Variants in TUT1 observed in about 807,000 individuals in gnomAD.
The protein encoded by TUT1 is speckle targeted PIP5K1A-regulated poly(A) polymerase.
Under a neutral mutation model 48.8 loss-of-function variants are expected in TUT1, and 26 were observed. The ratio of observed to expected loss-of-function variants is 0.53; its 90% confidence interval spans 0.39 to 0.74. The LOEUF (loss-of-function observed/expected upper bound fraction) is 0.74. TUT1 is among the 30% of genes least tolerant of loss of function. The pLI is 0.00. For synonymous variants in TUT1, 470 were observed against 460.8 expected (o/e 1.02, Z -0.26); for missense variants, 1,065 against 1,114.8 (o/e 0.96, Z 0.64).
intron 2 of TUT1, among the ~76,000 whole-genome samples, chr11:62,584,127 A>G (rs1027128430): frequency 7.5e-5 from 10 of 133,302 alleles, no homozygotes; most frequent in Non-Finnish European, 8.2e-5. Flanking sequence ...ACTGAATTGT[A>G]TTTTTTTTTT....
intron 1 of TUT1, 60 bp from the exon 2 acceptor site, chr11:62,589,281 C>T: frequency 6.6e-7 from 1 of 1,524,398 alleles, no homozygotes; most frequent in South Asian, 1.2e-5. Flanking sequence ...TCTGCCTTTG[C>T]TCTCTGCATA....
At chr11:62,590,811 C>CA (rs34251910) in intron 1 of TUT1, among the ~76,000 whole-genome samples, 36,819 of 139,672 alleles carry the variant, frequency 0.26, 5,525 homozygotes, top group Non-Finnish European at 0.37. Flanking sequence ...GACCTTGTCT[C>CA]AAAAAAAAAA....
chr11:62,577,132 C>T, intron 6 of TUT1, 50 bp downstream of exon 6: 1 of 1,598,994 alleles, frequency 6.3e-7, no homozygotes. Flanking sequence ...GAATCCCTGC[C>T]TTTGTCCTGA....
At chr11:62,590,368 GGC>G (rs1301142943) in intron 1 of TUT1, among the ~76,000 whole-genome samples, 4 of 152,252 alleles carry the variant, frequency 2.6e-5, no homozygotes, top group Non-Finnish European at 5.9e-5. Flanking sequence ...CGGGCGCGGT[GGC>G]TCAGGCCTGT....
intron 2 of TUT1, among the ~76,000 whole-genome samples, chr11:62,585,579 C>A (rs1167380110): frequency 6.6e-6 from 1 of 152,238 alleles, no homozygotes; most frequent in East Asian, 1.9e-4. Flanking sequence ...TGCATGTAAT[C>A]CCAGCACCCT....
chr11:62,576,454 C>T, intron 8 of TUT1: 1 of 788,250 alleles, frequency 1.3e-6, no homozygotes, highest in South Asian at 1.9e-5. Flanking sequence ...GATGCTGCTG[C>T]TCCTTGCTAG....
At chr11:62,582,197 G>A (rs1941838490) in intron 2 of TUT1, among the ~76,000 whole-genome samples, 1 of 151,928 alleles carries the variant, frequency 6.6e-6, no homozygotes, top group Admixed American at 6.6e-5. Flanking sequence ...TGGCCAGGCT[G>A]GTCTCTAATT....
At chr11:62,585,885 G>A (rs1941905973) in intron 2 of TUT1, among the ~76,000 whole-genome samples, 1 of 152,094 alleles carries the variant, frequency 6.6e-6, no homozygotes, top group Non-Finnish European at 1.5e-5. Context: ...GAGGCAGGCG[G>A]ATCACCTGAG....
At chr11:62,577,349 C>T in intron 5 of TUT1, 58 bp from the exon 6 acceptor site, 1 of 1,373,198 alleles carries the variant, frequency 7.3e-7, no homozygotes, top group Non-Finnish European at 1.0e-6. Context: ...CCTACCACCC[C>T]CAGCTTTCAT....
Position 62,575,421 on chromosome 11 carries a change from C to A in TUT1, c.2298G>T (p.Trp766Cys). The stretch of plus-strand genomic sequence containing the variant: ...ACACTCGGTGCCACAAGGCACAGCG[C>A]CAGCTCGCTGAGGAGGGCAGGGATG... ...KGASLPSSAS[W>C]RCALWHRVWQ... Residue 766 changes from tryptophan (W) to cysteine (C), a missense_variant, in exon 9 of 9, where the codon TGG becomes TGT. Transcript: ENST00000476907. The A allele has an allele frequency of 6.2e-7, 1 of 1,611,650 alleles. No homozygotes were observed.
At chr11:62,586,263 G>A (rs1453719976) in intron 2 of TUT1, among the ~76,000 whole-genome samples, 1 of 152,224 alleles carries the variant, frequency 6.6e-6, no homozygotes, top group Non-Finnish European at 1.5e-5. Flanking sequence ...AGGCTCATAA[G>A]ACACCTACGA....
rs139383227 is a variant in TUT1, at chr11:62,576,983, G to A, written c.1305C>T (p.Thr435=). ...TCTGAAGAAAATAGATCACCAGCAA[G>A]GTCAGGGCGTAGTTACTGAGAAGGG... The part of the protein sequence containing the change: ...SGPLLSNYAL[T]LLVIYFLQTR... Residue 435 remains threonine, a synonymous_variant, in exon 7 of 9, where the codon ACC becomes ACT. Transcript: ENST00000476907. 4.3e-6 allele frequency: 7 copies of A among 1,613,982 alleles called. No homozygotes were observed. The African/African-American group carries it at 8.0e-5, about 18-fold the overall frequency.
chr11:62,579,101 A>T, intron 4 of TUT1, 71 bp from the exon 5 acceptor site: 1 of 1,188,436 alleles, frequency 8.4e-7, no homozygotes, highest in Non-Finnish European at 1.1e-6. Context: ...AGATAATATT[A>T]CTTCCAGCTT....
chr11:62,587,362 G>T (rs990624729), intron 2 of TUT1, among the ~76,000 whole-genome samples: 1 of 152,056 alleles, frequency 6.6e-6, no homozygotes, highest in Non-Finnish European at 1.5e-5. Flanking sequence ...TGTATTTTTA[G>T]TAGAGACGGG....
intron 2 of TUT1, 48 bp from the exon 3 acceptor site, chr11:62,581,749 A>AC: frequency 1.5e-6 from 2 of 1,347,910 alleles, no homozygotes; most frequent in Admixed American, 3.6e-5. Context: ...CCAAGAATCT[A>AC]AGCACGAGAT....
Position 62,575,494 on chromosome 11 carries a change from C to T in TUT1, c.2225G>A (p.Gly742Glu). 6.2e-7 allele frequency: 1 copy of T among 1,612,732 alleles called. No homozygotes were observed. The highest frequency in any genetic ancestry group is 8.5e-7 in the Non-Finnish European group (1 of 1,180,012). Residue 742 changes from glycine (G) to glutamate (E), a missense_variant, in exon 9 of 9, where the codon GGA becomes GAA. Transcript: ENST00000476907. ...AGACCATTCTTGGGCTGCCTCATGTCCCTTGGGCCCCCGCTCTGCCAGGGC... is the reference window on the plus strand; with the variant it reads ...AGACCATTCTTGGGCTGCCTCATGTTCCTTGGGCCCCCGCTCTGCCAGGGC... ...HAALAERGPK[G>E]HEAAQEWSQG...
intron 2 of TUT1, among the ~76,000 whole-genome samples, chr11:62,585,683 T>G (rs565714858): frequency 6.6e-6 from 1 of 151,912 alleles, no homozygotes; most frequent in African/African-American, 2.4e-5. Context: ...ATACAAAAAT[T>G]AGCCGGGCAT....
At chr11:62,584,089 G>A (rs1941871848) in intron 2 of TUT1, among the ~76,000 whole-genome samples, 1 of 151,362 alleles carries the variant, frequency 6.6e-6, no homozygotes, top group Admixed American at 6.6e-5. Flanking sequence ...CATGAGGGTT[G>A]AAGAACCCTG....
At chr11:62,589,460 G>A (rs913003578) in intron 1 of TUT1, among the ~76,000 whole-genome samples, 3 of 151,646 alleles carry the variant, frequency 2.0e-5, no homozygotes, top group Non-Finnish European at 1.5e-5. Context: ...CTGGAGTTCA[G>A]TGGCGCAGTC....
Sources: allele counts gnomAD v4.1 joint callset (sites outside exome capture counted in the v4.1 genomes callset), GRCh38; gene constraint gnomAD v4.1.1; transcripts MANE v1.5; gene names NCBI Gene and HGNC (gene_info 2026-07-23, HGNC 2026-07-21).